CALN1: variants seen among roughly 807,000 people sequenced by gnomAD.
CALN1 encodes calneuron 1.
In CALN1, 17 loss-of-function variants were observed where a neutral mutation model predicts 30.6. The observed-to-expected ratio is 0.56, with a 90% CI of 0.38 to 0.83. The LOEUF (loss-of-function observed/expected upper bound fraction) is 0.83, where lower values mean the gene tolerates loss of function less well. CALN1 is among the 40% of genes least tolerant of loss of function. CALN1 has a pLI of 0.00. For missense variants in CALN1, 291 were observed against 354.9 expected (o/e 0.82, Z 1.45); for synonymous variants, 156 against 131.4 (o/e 1.19, Z -1.28).
intron 5 of CALN1, among the ~76,000 whole-genome samples, chr7:71,960,407 G>A (rs10276706): frequency 0.54 from 81,523 of 151,846 alleles, 22,431 homozygotes; most frequent in African/African-American, 0.61. Context: ...GCTCGCATTT[G>A]TAAGTGAGAA....
At chr7:72,253,952 GCTGGCCTCAAACTC>G (rs1483491747) in intron 3 of CALN1, among the ~76,000 whole-genome samples, 9 of 152,140 alleles carry the variant, frequency 5.9e-5, no homozygotes, top group African/African-American at 1.7e-4. Flanking sequence ...TGTTGGCTAG[GCTGGCCTCAAACTC>G]CTGGCCTCAA....
intron 5 of CALN1, among the ~76,000 whole-genome samples, chr7:71,998,676 T>C (rs1395875130): frequency 3.3e-5 from 5 of 151,612 alleles, no homozygotes. Flanking sequence ...TTCAAGCAAT[T>C]ATCATGCCTC....
chr7:72,193,984 G>A (rs918044251), intron 3 of CALN1, among the ~76,000 whole-genome samples: 1 of 152,094 alleles, frequency 6.6e-6, no homozygotes, highest in Admixed American at 6.5e-5. Context: ...TGAGAGATAA[G>A]ACTACACATT....
chr7:72,503,677 C>A, the CALN1 span, among the ~76,000 whole-genome samples: 1 of 152,086 alleles, frequency 6.6e-6, no homozygotes, highest in Non-Finnish European at 1.5e-5. Flanking sequence ...GTACCAGTAA[C>A]CTTCTCTGAG....
the CALN1 span, among the ~76,000 whole-genome samples, chr7:72,469,241 T>C: frequency 6.6e-6 from 1 of 152,162 alleles, no homozygotes; most frequent in Admixed American, 6.6e-5. Flanking sequence ...GTTTGTTTGT[T>C]TAATGTAATA....
intron 6 of CALN1, among the ~76,000 whole-genome samples, chr7:71,804,602 T>C (rs1294359275): frequency 6.6e-6 from 1 of 152,144 alleles, no homozygotes; most frequent in Non-Finnish European, 1.5e-5. Flanking sequence ...GAGGATCACT[T>C]GATGTCAGGA....
intron 5 of CALN1, among the ~76,000 whole-genome samples, chr7:71,972,139 C>T (rs559869432): frequency 6.6e-6 from 1 of 151,920 alleles, no homozygotes; most frequent in Non-Finnish European, 1.5e-5. Context: ...ATACACAATA[C>T]CCTCCAGACA....
chr7:72,293,391 GAACC>G (rs1484924399), intron 2 of CALN1, among the ~76,000 whole-genome samples: 4 of 152,158 alleles, frequency 2.6e-5, no homozygotes, highest in African/African-American at 9.7e-5. Context: ...TTCAAAGCAA[GAACC>G]ACTAAAAAGA....
intron 2 of CALN1, among the ~76,000 whole-genome samples, chr7:72,397,677 C>T (rs1380511881): frequency 6.7e-6 from 1 of 148,804 alleles, no homozygotes; most frequent in African/African-American, 2.5e-5. Flanking sequence ...GATCTCACTG[C>T]TCCTCTTGGG....
chr7:72,416,679 G>A (rs1807429136), upstream of CALN1, among the ~76,000 whole-genome samples: 1 of 138,254 alleles, frequency 7.2e-6, no homozygotes, highest in Non-Finnish European at 1.5e-5. Flanking sequence ...AGGTTGCAGT[G>A]AGCCGAGATC....
At chr7:71,997,077 A>G (rs1401291157) in intron 5 of CALN1, among the ~76,000 whole-genome samples, 1 of 152,134 alleles carries the variant, frequency 6.6e-6, no homozygotes, top group Non-Finnish European at 1.5e-5. Context: ...AAACAAATTT[A>G]AATTAGCTGG....
At chr7:71,962,531 A>G (rs1457301349) in intron 5 of CALN1, among the ~76,000 whole-genome samples, 1 of 152,206 alleles carries the variant, frequency 6.6e-6, no homozygotes, top group African/African-American at 2.4e-5. Flanking sequence ...GTTTGAATGG[A>G]CATTCTGGAC....
chr7:72,034,286 G>A lies in CALN1; in HGVS notation c.389-10517C>T, dbSNP rs183303693. Among the ~76,000 whole-genome samples the A allele has an allele frequency of 3.5e-3, 529 of 151,142 alleles. 2 individuals carry two copies. The highest frequency in any genetic ancestry group is 0.025 in the South Asian group (117 of 4,768). On this transcript the variant is annotated intron_variant, in intron 4 of 6. Coordinates refer to ENST00000395275, the MANE Select transcript of CALN1 (RefSeq NM_031468.4). ...CGAGAATGGCGTGAACCCAGGAGGC[G>A]GAGCTTGCAGTGAGCCGAGATTGTG...
At position 72,403,366 on chromosome 7, in the gene CALN1, G is replaced by C; in HGVS notation, c.4C>G (p.Arg2Gly). ...CCCTCTCCGGGTTGCTCTGGCAGCC[G>C]CATCGGGGGTCCAGGGCGATGTTCT... MRLPEQPGEGKP... is the reference protein window; with the variant it reads MGLPEQPGEGKP... The change falls in exon 2 of 7, where the codon CGG (arginine) becomes GGG (glycine). Residue 2 changes from arginine to glycine, a missense_variant. Arg to Gly is a moderately radical substitution (Grantham distance 125, BLOSUM62 -2). Transcript: ENST00000395275. 1 of 1,545,208 alleles carries C rather than the reference G, an allele frequency of 6.5e-7. No homozygotes were observed. Among genetic ancestry groups the C allele is most frequent in the Non-Finnish European group, 8.7e-7 (1 of 1,145,844 alleles).
chr7:72,056,431 G>A (rs1803259979), intron 4 of CALN1, among the ~76,000 whole-genome samples: 1 of 151,844 alleles, frequency 6.6e-6, no homozygotes, highest in Non-Finnish European at 1.5e-5. Context: ...AAAATCGAAT[G>A]GAAAAAAGGA....
At chr7:72,204,324 A>C (rs754382284) in intron 3 of CALN1, among the ~76,000 whole-genome samples, 2 of 151,634 alleles carry the variant, frequency 1.3e-5, no homozygotes, top group African/African-American at 2.4e-5. Flanking sequence ...TTTAATGTTA[A>C]TTGTATTCAA....
chr7:71,885,090 T>C (rs1303916767), intron 5 of CALN1, among the ~76,000 whole-genome samples: 1 of 152,352 alleles, frequency 6.6e-6, no homozygotes, highest in South Asian at 2.1e-4. Context: ...ACCTATAGCC[T>C]GGAAGCTCCC....
chr7:72,340,009 G>T (rs1802308173), intron 2 of CALN1, among the ~76,000 whole-genome samples: 1 of 152,230 alleles, frequency 6.6e-6, no homozygotes, highest in African/African-American at 2.4e-5. Flanking sequence ...TCCTTCAGTT[G>T]TTTTTCAGAA....
At chr7:72,485,218 G>A in the CALN1 span, among the ~76,000 whole-genome samples, 11 of 152,278 alleles carry the variant, frequency 7.2e-5, no homozygotes, top group African/African-American at 2.6e-4. Flanking sequence ...TTGAGCCACT[G>A]TACCCCAGCC....
Sources: gnomAD v4.1 joint callset for allele counts (sites outside exome capture counted in the v4.1 genomes callset) on GRCh38, gnomAD v4.1.1 for gene constraint, MANE v1.5 for transcripts, NCBI Gene and HGNC (gene_info 2026-07-23, HGNC 2026-07-21) for gene names.